The following SLCO3A1 variants were observed in gnomAD, a reference collection of about 807,000 sequenced individuals.
The protein encoded by SLCO3A1 is solute carrier organic anion transporter family member 3A1.
In SLCO3A1, 27 loss-of-function variants were observed where a neutral mutation model predicts 63.1. The observed-to-expected ratio is 0.43, with a 90% confidence interval of 0.32 to 0.59. SLCO3A1 has a LOEUF of 0.59. SLCO3A1 is among the 20% of genes least tolerant of loss of function. The pLI, the probability that SLCO3A1 is intolerant of heterozygous loss-of-function variation, is 0.09. For synonymous variants in SLCO3A1, 473 were observed against 409.9 expected, an observed-to-expected ratio of 1.15 and a Z score of -1.86; for missense variants, 773 against 945.8, an observed-to-expected ratio of 0.82 and a Z score of 2.40.
rs183637317 is a variant in SLCO3A1 at position 91,929,173 on chromosome 15, C to T, written c.646+12715C>T. ...GTGTTCTGAAGACCCTCAGGAGTGG[C>T]GTGTCCACATACATGAACTGTGTTT... On this transcript the variant is annotated intron_variant, in intron 2 of 9. Coordinates refer to ENST00000318445, the MANE Select transcript of SLCO3A1 (RefSeq NM_013272.4). 1.6e-4 allele frequency among the ~76,000 whole-genome samples: 25 copies of T among 152,252 alleles called. No homozygotes were observed. The East Asian group carries it at 4.6e-3, about 28-fold the overall frequency.
chr15:92,019,928 A>G (rs555626479), intron 2 of SLCO3A1, among the ~76,000 whole-genome samples: 2 of 152,240 alleles, frequency 1.3e-5, no homozygotes, highest in African/African-American at 2.4e-5. Flanking sequence ...AGTGGCCTTC[A>G]TGTCAGGGCA....
Position 91,942,954 on chromosome 15 carries a change from C to A in SLCO3A1, c.646+26496C>A, listed in dbSNP as rs112642224. ...GTGGGCGTGGGGCCCAGGGCCCAGC[C>A]GTTTGACCTCGTTCTGCCTCCCTTT... On this transcript the variant is annotated intron_variant, in intron 2 of 9. Transcript: ENST00000318445. This position sits in a 1 kb window ranked among gnomAD's most constrained non-coding sequence, Gnocchi z 4.1. Among the ~76,000 whole-genome samples the A allele has an allele frequency of 4.5e-4, 69 of 152,318 alleles. No individual in the cohort carries two copies. Among genetic ancestry groups the A allele is most frequent in the African/African-American group, 1.7e-3 (69 of 41,560 alleles).
intron 1 of SLCO3A1, among the ~76,000 whole-genome samples, chr15:91,879,867 C>T (rs188973172): frequency 6.6e-6 from 1 of 152,240 alleles, no homozygotes; most frequent in Admixed American, 6.5e-5. Flanking sequence ...TGAAGAGGAT[C>T]CCATGGTCTC....
intron 2 of SLCO3A1, among the ~76,000 whole-genome samples, chr15:92,062,137 A>G (rs777482586): frequency 2.6e-4 from 40 of 152,356 alleles, no homozygotes; most frequent in Admixed American, 5.9e-4. Context: ...CCTGAGTGTT[A>G]CCTAACTCTG....
downstream of SLCO3A1, chr15:92,166,042 T>C (rs1281156322): frequency 8.1e-6 from 3 of 369,766 alleles, no homozygotes; most frequent in Non-Finnish European, 1.1e-5. Context: ...GTTTGGGTTT[T>C]GTTTTGTTTT....
intron 2 of SLCO3A1, among the ~76,000 whole-genome samples, chr15:92,020,462 G>T (rs1364650807): frequency 6.6e-6 from 1 of 152,176 alleles, no homozygotes. Context: ...CCCCTGTCCT[G>T]GGAAAGTGAA....
chr15:91,932,366 TTTC>T (rs1347755947), intron 2 of SLCO3A1, among the ~76,000 whole-genome samples: 6 of 152,328 alleles, frequency 3.9e-5, no homozygotes, highest in African/African-American at 1.4e-4. Context: ...GCATGTTGCC[TTTC>T]TTGTTTTATC....
At chr15:92,158,251 G>A (rs1466937993) in intron 9 of SLCO3A1, among the ~76,000 whole-genome samples, 1 of 152,044 alleles carries the variant, frequency 6.6e-6, no homozygotes, top group African/African-American at 2.4e-5. Flanking sequence ...TTCAAAACCA[G>A]GCTTCTTCAA....
At chr15:91,962,023 G>A (rs763810788) in intron 2 of SLCO3A1, among the ~76,000 whole-genome samples, 2 of 152,202 alleles carry the variant, frequency 1.3e-5, no homozygotes, top group Non-Finnish European at 2.9e-5. Context: ...AGTAGTCGCT[G>A]CTGAGTCAGA....
intron 1 of SLCO3A1, among the ~76,000 whole-genome samples, chr15:91,891,840 C>T (rs117162340): frequency 1.3e-5 from 2 of 152,216 alleles, no homozygotes; most frequent in East Asian, 3.9e-4. Context: ...ATATTTCAGG[C>T]TTTGCAGGCC....
rs1032712706 is a variant in SLCO3A1 at position 91,856,945 on chromosome 15, A to T, written c.180+2857A>T. Among the ~76,000 whole-genome samples the T allele has an allele frequency of 6.6e-6, 1 of 152,026 alleles. No individual in the cohort carries two copies. The highest frequency in any genetic ancestry group is 2.4e-5 in the African/African-American group (1 of 41,380). Reference sequence around the variant, plus strand: ...AAAGACAAATTTCTCAGTGTCCTGAATGACACTAGTGTAGGCTTCCCAACT... The same window carrying T: ...AAAGACAAATTTCTCAGTGTCCTGATTGACACTAGTGTAGGCTTCCCAACT... On this transcript the variant is annotated intron_variant, in intron 1 of 9. Coordinates refer to ENST00000318445, the MANE Select transcript of SLCO3A1 (RefSeq NM_013272.4). The surrounding 1 kb of genome is among the most constrained non-coding windows in gnomAD (Gnocchi z 4.9).
At position 91,860,940 on chromosome 15, in the gene SLCO3A1, C is replaced by T. The variant is rs1021732220; in HGVS notation, c.180+6852C>T. 1.3e-5 allele frequency among the ~76,000 whole-genome samples: 2 copies of T among 152,174 alleles called. No homozygotes were observed. Among genetic ancestry groups the T allele is most frequent in the African/African-American group, 4.8e-5 (2 of 41,446 alleles). ...TGGTTTCCCATCCCATGGATTCATC[C>T]ATCTCGGCTTACGGACATACCTTCT... On this transcript the variant is annotated intron_variant, in intron 1 of 9. Transcript: ENST00000318445. This position sits in a 1 kb window ranked among gnomAD's most constrained non-coding sequence, Gnocchi z 5.5.
chr15:91,858,292 A>G (rs1016034371), intron 1 of SLCO3A1, among the ~76,000 whole-genome samples: 1 of 152,184 alleles, frequency 6.6e-6, no homozygotes, highest in African/African-American at 2.4e-5. Flanking sequence ...AAATTATTTT[A>G]TACACTTATG....
intron 7 of SLCO3A1, among the ~76,000 whole-genome samples, chr15:92,146,242 G>T (rs12901919): frequency 4.6e-5 from 7 of 152,222 alleles, no homozygotes; most frequent in East Asian, 1.9e-4. Flanking sequence ...TGGAGTGAGT[G>T]GGGGAGAGGA....
Position 92,165,214 on chromosome 15 carries a change from T to C in SLCO3A1, c.*2079T>C. ...TCAGCTACCTGGGGCAGGATGCTTCTGAGACAGGCCTTTCAACTGCTTAGT... is the reference window on the plus strand; with the variant it reads ...TCAGCTACCTGGGGCAGGATGCTTCCGAGACAGGCCTTTCAACTGCTTAGT... On this transcript the variant is annotated 3_prime_UTR_variant, in exon 10 of 10. Transcript: ENST00000318445. 1.0e-6 allele frequency: 1 copy of C among 985,448 alleles called. No individual in the cohort carries two copies. The highest frequency in any genetic ancestry group is 1.2e-6 in the Non-Finnish European group (1 of 829,942). 61.0% of individuals were successfully genotyped at this position (985,448 alleles called of 1,614,324 possible).
At chr15:92,064,188 C>CCTCCCCTT (rs1400578750) in intron 2 of SLCO3A1, among the ~76,000 whole-genome samples, 4 of 152,206 alleles carry the variant, frequency 2.6e-5, no homozygotes, top group African/African-American at 7.2e-5. Context: ...GCTTCGAGGT[C>CCTCCCCTT]CTCCCCTTCT....
At chr15:91,902,629 G>C (rs746278665) in intron 1 of SLCO3A1, among the ~76,000 whole-genome samples, 1 of 152,184 alleles carries the variant, frequency 6.6e-6, no homozygotes, top group South Asian at 2.1e-4. Context: ...ATGAATTAGT[G>C]CTCCTCAGTT....
intron 9 of SLCO3A1, among the ~76,000 whole-genome samples, chr15:92,156,617 G>A (rs1334769848): frequency 6.6e-6 from 1 of 152,220 alleles, no homozygotes; most frequent in Non-Finnish European, 1.5e-5. Context: ...AGGTATCACT[G>A]GAAAACAGCC....
chr15:91,898,556 T>C (rs1454274830), intron 1 of SLCO3A1, among the ~76,000 whole-genome samples: 1 of 152,176 alleles, frequency 6.6e-6, no homozygotes, highest in East Asian at 1.9e-4. Flanking sequence ...TTCCAGTGGA[T>C]CTGGGAAAAC....
Sources: allele counts gnomAD v4.1 joint callset (sites outside exome capture counted in the v4.1 genomes callset), GRCh38; gene constraint gnomAD v4.1.1; non-coding constraint Gnocchi (gnomAD v3.1); transcripts MANE v1.5; gene names NCBI Gene and HGNC (gene_info 2026-07-23, HGNC 2026-07-21).